Variants in DMGDH observed in about 807,000 individuals in gnomAD.
The protein encoded by DMGDH is dimethylglycine dehydrogenase.
Under a neutral mutation model 95.2 loss-of-function variants are expected in DMGDH, and 76 were observed. That is an observed-to-expected ratio of 0.80 (90% CI 0.66 to 0.97). The LOEUF is 0.97. DMGDH is among the 50% of genes least tolerant of loss of function. The pLI is 0.00. For synonymous variants in DMGDH, 345 were observed against 377.6 expected (o/e 0.91, Z 1.00); for missense variants, 987 against 1,055.0 (o/e 0.94, Z 0.89).
rs1344150447 is a variant in DMGDH at position 79,051,445 on chromosome 5, TAAG to T, written c.584_586del (p.Pro195_Tyr196delinsHis). 2 of 1,614,128 alleles carry T rather than the reference TAAG, an allele frequency of 1.2e-6. No individual in the cohort carries two copies. The highest frequency in any genetic ancestry group is 3.3e-5 in the Admixed American group (2 of 60,018). On this transcript the variant is annotated inframe_deletion, in exon 5 of 16. Transcript: ENST00000255189. ...AGCAGCCAGTGCCATAGTTAGAGAA[TAAG>T]GATCAATGTGACCATCTCCAGGATT...
chr5:79,049,470 G>T (rs901182533), intron 5 of DMGDH, among the ~76,000 whole-genome samples: 1 of 152,156 alleles, frequency 6.6e-6, no homozygotes, highest in Non-Finnish European at 1.5e-5. Flanking sequence ...TGAGTGCAGC[G>T]ATTAATTAGC....
intron 14 of DMGDH, among the ~76,000 whole-genome samples, chr5:79,022,048 C>T (rs1278597353): frequency 3.3e-5 from 5 of 152,136 alleles, no homozygotes; most frequent in African/African-American, 9.7e-5. Context: ...ATGGCTTAAA[C>T]GATCATAGTG....
intron 14 of DMGDH, among the ~76,000 whole-genome samples, chr5:79,023,474 T>C (rs1351817831): frequency 6.6e-6 from 1 of 152,168 alleles, no homozygotes; most frequent in Non-Finnish European, 1.5e-5. Context: ...ACTATAATTA[T>C]TTAGAGTAAT....
At chr5:79,038,811 G>A (rs1256047960) in intron 7 of DMGDH, among the ~76,000 whole-genome samples, 3 of 152,100 alleles carry the variant, frequency 2.0e-5, no homozygotes, top group Non-Finnish European at 4.4e-5. Flanking sequence ...CTACTCATCT[G>A]ACAAAGGGCT....
chr5:79,061,862 T>C (rs984717395), intron 2 of DMGDH, among the ~76,000 whole-genome samples: 1 of 152,160 alleles, frequency 6.6e-6, no homozygotes, highest in Non-Finnish European at 1.5e-5. Flanking sequence ...TGAGCTATGA[T>C]TGCACCACTG....
intron 7 of DMGDH, among the ~76,000 whole-genome samples, chr5:79,034,046 G>C (rs1294494774): frequency 6.6e-6 from 1 of 152,140 alleles, no homozygotes; most frequent in Non-Finnish European, 1.5e-5. Flanking sequence ...GGAAAACTAG[G>C]GGTTGGAGCC....
chr5:78,998,022 T>C lies in DMGDH; in HGVS notation c.*60A>G. Reference sequence around the variant, plus strand: ...CCTCTATTCCCCTGGGAGCCAGTTATAATAATTTCAAGGACAGTCATTAGC... The same window carrying C: ...CCTCTATTCCCCTGGGAGCCAGTTACAATAATTTCAAGGACAGTCATTAGC... On this transcript the variant is annotated 3_prime_UTR_variant, in exon 16 of 16. Transcript: ENST00000255189. The C allele has an allele frequency of 1.3e-6, 2 of 1,554,836 alleles. No homozygotes were observed. Among genetic ancestry groups the C allele is most frequent in the Non-Finnish European group, 1.8e-6 (2 of 1,127,064 alleles).
chr5:79,054,033 T>C, intron 4 of DMGDH, 151 bp downstream of exon 4: 2 of 793,012 alleles, frequency 2.5e-6, no homozygotes, highest in Non-Finnish European at 4.0e-6. Flanking sequence ...CAGCCTATCT[T>C]GTAAGTTACC....
chr5:79,064,081 G>T (rs1755296516), intron 1 of DMGDH, among the ~76,000 whole-genome samples: 1 of 152,066 alleles, frequency 6.6e-6, no homozygotes, highest in Non-Finnish European at 1.5e-5. Context: ...GGTCAGGTTT[G>T]GTGATGCACA....
At position 79,031,940 on chromosome 5, in the gene DMGDH, G is replaced by A. The variant is rs115076662; in HGVS notation, c.1517+747C>T. Among the ~76,000 whole-genome samples the A allele has an allele frequency of 7.6e-3, 1,153 of 152,192 alleles. 15 individuals carry two copies. The highest frequency in any genetic ancestry group is 0.026 in the African/African-American group (1,090 of 41,512). On this transcript the variant is annotated intron_variant, in intron 9 of 15. Coordinates refer to ENST00000255189, the MANE Select transcript of DMGDH (RefSeq NM_013391.3). ...AAGCCCAAATTCATTCATCAACAACGGGTTCTCTGCTATACTTTGTATGAA... is the reference window on the plus strand; with the variant it reads ...AAGCCCAAATTCATTCATCAACAACAGGTTCTCTGCTATACTTTGTATGAA...
chr5:79,000,592 C>T (rs973210530), intron 15 of DMGDH: 1 of 608,432 alleles, frequency 1.6e-6, no homozygotes, highest in Admixed American at 1.9e-5. Context: ...TTCTGGCTGA[C>T]ATGCAAAAAT....
At chr5:79,033,532 C>G (rs962624780) in intron 7 of DMGDH, 124 bp from the exon 8 acceptor site, 2 of 1,184,946 alleles carry the variant, frequency 1.7e-6, no homozygotes, top group Non-Finnish European at 2.5e-6. Context: ...ACACAAGTAA[C>G]ATAATCTCTA....
chr5:79,035,275 A>G (rs1754317212), intron 7 of DMGDH, among the ~76,000 whole-genome samples: 1 of 152,156 alleles, frequency 6.6e-6, no homozygotes, highest in African/African-American at 2.4e-5. Context: ...TAGATCAAGT[A>G]CCATTTTTGA....
intron 10 of DMGDH, 197 bp downstream of exon 10, chr5:79,030,636 A>G (rs1270721151): frequency 7.7e-6 from 4 of 518,898 alleles, no homozygotes; most frequent in African/African-American, 2.3e-5. Flanking sequence ...ACAAAGCAAG[A>G]CTCTGTCTCT....
chr5:79,037,282 T>C (rs1754371072), intron 7 of DMGDH, among the ~76,000 whole-genome samples: 1 of 152,104 alleles, frequency 6.6e-6, no homozygotes, highest in South Asian at 2.1e-4. Flanking sequence ...GTATAGGAGA[T>C]AAAAAATGTG....
chr5:79,039,713 TAATA>T (rs1472749713), intron 7 of DMGDH, among the ~76,000 whole-genome samples: 1 of 151,676 alleles, frequency 6.6e-6, no homozygotes, highest in Non-Finnish European at 1.5e-5. Context: ...ATAATAATAA[TAATA>T]AATAATAATA....
In DMGDH at chr5:79,069,601, T is replaced by C; in HGVS notation, c.20A>G (p.Gln7Arg). The part of the protein sequence containing the change: MLRPGA[Q>R]LLRGLLLRSC... ...CCGCAGCAGGAGGCCCCGCAGCAGC[T>C]GCGCGCCGGGACGGAGCATGACTAG... The change falls in exon 1 of 16, where the codon CAG becomes CGG. Residue 7 changes from glutamine to arginine, a missense_variant. Physicochemically the swap from Gln to Arg is conservative, Grantham distance 43. Coordinates refer to ENST00000255189, the MANE Select transcript of DMGDH (RefSeq NM_013391.3). The C allele has an allele frequency of 7.3e-7, 1 of 1,367,298 alleles. No homozygotes were observed. Among genetic ancestry groups the C allele is most frequent in the Non-Finnish European group, 9.4e-7 (1 of 1,058,856 alleles). The allele number at this position is 1,367,298 out of a possible 1,614,324, so 84.7% of individuals were successfully genotyped here.
chr5:79,005,690 T>A (rs1367385841), intron 14 of DMGDH, among the ~76,000 whole-genome samples: 1 of 152,118 alleles, frequency 6.6e-6, no homozygotes, highest in Non-Finnish European at 1.5e-5. Context: ...CATGTTGCAA[T>A]GGTGGATTAT....
rs1754065177 is a variant in DMGDH, at chr5:79,028,589, C to T, written c.1876G>A (p.Glu626Lys). 2 of 1,614,050 alleles carry T rather than the reference C, an allele frequency of 1.2e-6. No homozygotes were observed. The highest frequency in any genetic ancestry group is 1.3e-5 in the African/African-American group (1 of 74,914). Residue 626 changes from glutamate (E) to lysine (K), a missense_variant, in exon 12 of 16, where the codon GAG becomes AAG. Coordinates refer to ENST00000255189, the MANE Select transcript of DMGDH (RefSeq NM_013391.3). ...YDVEIKNITD[E>K]LGVLGVAGPQ... is the part of the protein sequence containing the mutation. ...CCAGCAACTCCAAGAACTCCAAGCT[C>T]ATCAGTTATGTTTTTAATTTCAACA...
Sources: gnomAD v4.1 joint callset for allele counts (sites outside exome capture counted in the v4.1 genomes callset) on GRCh38, gnomAD v4.1.1 for gene constraint, MANE v1.5 for transcripts, NCBI Gene and HGNC (gene_info 2026-07-23, HGNC 2026-07-21) for gene names.